Variants in MAGI2 observed in about 807,000 individuals in gnomAD.
The protein encoded by MAGI2 is membrane-associated guanylate kinase, WW and PDZ domain-containing protein 2.
MAGI2 carries 35 observed loss-of-function variants against 133.3 expected under a neutral mutation model. The ratio of observed to expected loss-of-function variants is 0.26; its 90% CI spans 0.20 to 0.35. The LOEUF (loss-of-function observed/expected upper bound fraction) is 0.35, where lower values mean the gene tolerates loss of function less well. Ranked by LOEUF, MAGI2 falls within the 10% of genes least tolerant of loss-of-function variation. The pLI is 1.00. For missense variants in MAGI2, 1,636 were observed against 1,863.4 expected, an observed-to-expected ratio of 0.88 and a Z score of 2.25; for synonymous variants, 729 against 710.6, an observed-to-expected ratio of 1.03 and a Z score of -0.41.
intron 3 of MAGI2, among the ~76,000 whole-genome samples, chr7:78,626,486 A>T (rs888271973): frequency 6.6e-6 from 1 of 152,074 alleles, no homozygotes; most frequent in Non-Finnish European, 1.5e-5. Context: ...TGAAACAGAG[A>T]TTTTGGCTTA....
At chr7:79,409,496 A>G (rs1846017918) in intron 1 of MAGI2, among the ~76,000 whole-genome samples, 1 of 151,162 alleles carries the variant, frequency 6.6e-6, no homozygotes, top group Non-Finnish European at 1.5e-5. Flanking sequence ...TTTTCTTCTC[A>G]TTACATTAAA....
At chr7:78,505,873 AGAAGAAGGTAAGGGAG>A (rs1175153625) in intron 4 of MAGI2, among the ~76,000 whole-genome samples, 2 of 151,500 alleles carry the variant, frequency 1.3e-5, no homozygotes, top group East Asian at 3.9e-4. Flanking sequence ...GGGTTCTTTC[AGAAGAAGGTAAGGGAG>A]AAATAAATAA....
chr7:78,571,424 A>G (rs1034739702), intron 3 of MAGI2, among the ~76,000 whole-genome samples: 12 of 152,208 alleles, frequency 7.9e-5, no homozygotes, highest in Admixed American at 5.2e-4. Context: ...GACAGCATCC[A>G]AATTTATGAC....
chr7:78,915,547 G>A (rs1798724496), intron 2 of MAGI2, among the ~76,000 whole-genome samples: 1 of 151,510 alleles, frequency 6.6e-6, no homozygotes, highest in Non-Finnish European at 1.5e-5. Context: ...ATGACCTCTA[G>A]GTATAAATTT....
intron 3 of MAGI2, among the ~76,000 whole-genome samples, chr7:78,571,409 G>A (rs1359119724): frequency 6.6e-6 from 1 of 152,134 alleles, no homozygotes; most frequent in Non-Finnish European, 1.5e-5. Flanking sequence ...AACTCAGAAA[G>A]CAATGACAGC....
At chr7:79,287,456 G>A (rs2129558464) in intron 1 of MAGI2, among the ~76,000 whole-genome samples, 2 of 152,194 alleles carry the variant, frequency 1.3e-5, no homozygotes, top group African/African-American at 4.8e-5. Context: ...ATTGGGAGAG[G>A]GAGATTAAGA....
intron 10 of MAGI2, chr7:78,254,436 T>G (rs1037774919): frequency 6.6e-6 from 1 of 152,250 alleles, no homozygotes; most frequent in Non-Finnish European, 1.5e-5. Context: ...ATGTTTATTT[T>G]AATCTTAAGC....
At chr7:79,401,712 T>C (rs1292901587) in intron 1 of MAGI2, among the ~76,000 whole-genome samples, 2 of 152,182 alleles carry the variant, frequency 1.3e-5, no homozygotes, top group Non-Finnish European at 2.9e-5. Flanking sequence ...GGTATTCTAC[T>C]GTAAACATGC....
chr7:79,304,181 A>ATGTGTATGTG (rs1837587656), intron 1 of MAGI2, among the ~76,000 whole-genome samples: 1 of 142,168 alleles, frequency 7.0e-6, no homozygotes, highest in African/African-American at 2.6e-5. Flanking sequence ...TTCAACTGGG[A>ATGTGTATGTG]TGTGTGTGTG....
intron 5 of MAGI2, among the ~76,000 whole-genome samples, chr7:78,498,537 A>G (rs1011889077): frequency 1.3e-5 from 2 of 152,200 alleles, no homozygotes; most frequent in African/African-American, 4.8e-5. Context: ...AGACAGGAGA[A>G]AATCAGTGAA....
At chr7:79,385,539 C>A (rs1844112863) in intron 1 of MAGI2, among the ~76,000 whole-genome samples, 2 of 151,628 alleles carry the variant, frequency 1.3e-5, no homozygotes, top group African/African-American at 4.8e-5. Flanking sequence ...CACATTGTAG[C>A]AGAAAAATCT....
intron 1 of MAGI2, among the ~76,000 whole-genome samples, chr7:79,151,154 A>G (rs1307838898): frequency 6.6e-6 from 1 of 152,090 alleles, no homozygotes; most frequent in African/African-American, 2.4e-5. Flanking sequence ...TTTCTTGCAT[A>G]TTTTCAGGAA....
At chr7:78,065,068 A>T (rs1813676328) in intron 21 of MAGI2, among the ~76,000 whole-genome samples, 1 of 152,134 alleles carries the variant, frequency 6.6e-6, no homozygotes, top group Non-Finnish European at 1.5e-5. Flanking sequence ...GGAAGGTGAC[A>T]GGATCTTGTC....
At chr7:78,243,315 T>C (rs73366791) in intron 10 of MAGI2, among the ~76,000 whole-genome samples, 24,343 of 151,366 alleles carry the variant, frequency 0.16, 2,617 homozygotes, top group East Asian at 0.33. Flanking sequence ...AAAATGTTAA[T>C]AGCAATGTGG....
intron 2 of MAGI2, among the ~76,000 whole-genome samples, chr7:78,759,389 A>G (rs1824264160): frequency 2.0e-5 from 3 of 152,320 alleles, no homozygotes; most frequent in Admixed American, 6.5e-5. Context: ...TCCTCATTTA[A>G]ACCCAAGAAA....
At chr7:79,000,194 T>C (rs907383513) in intron 2 of MAGI2, 14 of 152,200 alleles carry the variant, frequency 9.2e-5, no homozygotes, top group Non-Finnish European at 1.2e-4. Context: ...AAAGATACTC[T>C]CAATACATAC....
At chr7:78,644,128 A>G (rs1810591955) in intron 2 of MAGI2, among the ~76,000 whole-genome samples, 1 of 152,174 alleles carries the variant, frequency 6.6e-6, no homozygotes, top group African/African-American at 2.4e-5. Flanking sequence ...TTAACAGGAA[A>G]AAAAATACTA....
intron 1 of MAGI2, among the ~76,000 whole-genome samples, chr7:79,363,371 C>T (rs1355358703): frequency 1.4e-5 from 2 of 147,390 alleles, no homozygotes; most frequent in Admixed American, 6.7e-5. Flanking sequence ...ATACTCTGTT[C>T]GTGTATTGGA....
At chr7:78,686,970 T>TTATATTA (rs1816389722) in intron 2 of MAGI2, among the ~76,000 whole-genome samples, 1 of 152,184 alleles carries the variant, frequency 6.6e-6, no homozygotes, top group Admixed American at 6.6e-5. Context: ...AGTAAAAGTT[T>TTATATTA]TATATTATAC....
Sources: gnomAD v4.1 joint callset for allele counts (sites outside exome capture counted in the v4.1 genomes callset) on GRCh38, gnomAD v4.1.1 for gene constraint, MANE v1.5 for transcripts, NCBI Gene and HGNC (gene_info 2026-07-23, HGNC 2026-07-21) for gene names.